KSR2: variants seen among roughly 807,000 people sequenced by gnomAD.
The protein encoded by KSR2 is kinase suppressor of ras 2.
Under a neutral mutation model 107.8 loss-of-function variants are expected in KSR2, and 25 were observed. The observed-to-expected ratio is 0.23, with a 90% CI of 0.17 to 0.32. KSR2 has a LOEUF of 0.32. Among genes scored for constraint, KSR2 ranks in the 10% least tolerant of loss-of-function variants. The probability of loss-of-function intolerance (pLI) is 1.00; values close to 1 mark genes in which losing one functional copy is unlikely to be tolerated. For missense variants in KSR2, 887 were observed against 1,268.9 expected (o/e 0.70, Z 4.57); for synonymous variants, 480 against 507.0 (o/e 0.95, Z 0.71).
At chr12:117,472,020 T>C (rs1045524178) in intron 17 of KSR2, among the ~76,000 whole-genome samples, 2 of 151,572 alleles carry the variant, frequency 1.3e-5, no homozygotes, top group African/African-American at 2.4e-5. Context: ...TGCGGAACGG[T>C]GGAAAGAAAA....
rs1388208868 is a variant in KSR2 at position 117,562,962 on chromosome 12, C to T, written c.1326-4389G>A. ...CACATCCCGGATCTGCTAATAGAGTCGGCAGGATTAGACAAACCCTGAAAT... is the reference window on the plus strand; with the variant it reads ...CACATCCCGGATCTGCTAATAGAGTTGGCAGGATTAGACAAACCCTGAAAT... On this transcript the variant is annotated intron_variant, in intron 7 of 19. Transcript: ENST00000339824. Among the ~76,000 whole-genome samples, 3 of 152,164 alleles carry T rather than the reference C, an allele frequency of 2.0e-5. No homozygotes were observed. The East Asian group carries it at 5.8e-4, about 29-fold the overall frequency.
In KSR2 at chr12:117,471,179, C is replaced by T. The variant is rs770903451; in HGVS notation, c.2712+12G>A. Reference sequence around the variant, plus strand: ...CCTCATCCCCCAAGTCTGGACCTATCTTGGGACTTACCGAGATTTCTTTTC... The same window carrying T: ...CCTCATCCCCCAAGTCTGGACCTATTTTGGGACTTACCGAGATTTCTTTTC... On this transcript the variant is annotated intron_variant, in intron 18 of 19. Coordinates refer to ENST00000339824, the MANE Select transcript of KSR2 (RefSeq NM_173598.6). The T allele has an allele frequency of 6.2e-7, 1 of 1,613,594 alleles. No homozygotes were observed. The highest frequency in any genetic ancestry group is 1.1e-5 in the South Asian group (1 of 91,000).
chr12:117,476,011 G>A (rs1013630652), intron 17 of KSR2, among the ~76,000 whole-genome samples: 2 of 152,164 alleles, frequency 1.3e-5, no homozygotes, highest in Non-Finnish European at 2.9e-5. Context: ...CCAATATCTT[G>A]ACTGCAACCT....
intron 4 of KSR2, among the ~76,000 whole-genome samples, chr12:117,731,164 C>T (rs1376210632): frequency 6.6e-5 from 10 of 151,254 alleles, no homozygotes; most frequent in Non-Finnish European, 1.5e-4. Flanking sequence ...GCCACGACCC[C>T]GTCTGGGAAC....
intron 6 of KSR2, 119 bp from the exon 7 acceptor site, chr12:117,579,321 C>T: frequency 8.1e-6 from 6 of 743,308 alleles, no homozygotes; most frequent in East Asian, 2.7e-5. Context: ...CTGTTTCTTT[C>T]GAGCTGTGTG....
chr12:117,509,431 A>C (rs916636770), intron 14 of KSR2, among the ~76,000 whole-genome samples: 10 of 152,210 alleles, frequency 6.6e-5, no homozygotes, highest in Non-Finnish European at 1.5e-4. Context: ...CGAAAGAAAG[A>C]GAGCAGGGAG....
intron 4 of KSR2, among the ~76,000 whole-genome samples, chr12:117,727,186 G>A (rs959845141): frequency 6.6e-6 from 1 of 151,500 alleles, no homozygotes; most frequent in African/African-American, 2.4e-5. Context: ...GACCAGCCTG[G>A]GCAAGATGGT....
At chr12:117,603,294 C>A (rs1881056515) in intron 5 of KSR2, among the ~76,000 whole-genome samples, 1 of 152,214 alleles carries the variant, frequency 6.6e-6, no homozygotes, top group South Asian at 2.1e-4. Flanking sequence ...TCTCCAACCT[C>A]CTTAGCTTAA....
intron 3 of KSR2, among the ~76,000 whole-genome samples, chr12:117,795,926 G>C (rs1376414175): frequency 1.3e-5 from 2 of 152,074 alleles, no homozygotes; most frequent in Non-Finnish European, 2.9e-5. Context: ...CTGTGTTGTT[G>C]TTATTGTTGT....
chr12:117,711,912 G>T (rs918843085), intron 4 of KSR2, among the ~76,000 whole-genome samples: 1 of 152,188 alleles, frequency 6.6e-6, no homozygotes, highest in Admixed American at 6.5e-5. Flanking sequence ...GGGAGACACC[G>T]CTGAGCCATG....
At chr12:117,764,122 T>C (rs1477842529) in intron 3 of KSR2, among the ~76,000 whole-genome samples, 1 of 152,208 alleles carries the variant, frequency 6.6e-6, no homozygotes, top group Non-Finnish European at 1.5e-5. Flanking sequence ...TTTGTTATTA[T>C]ATATTCAGTA....
chr12:117,747,548 T>C (rs1009559516), intron 4 of KSR2, among the ~76,000 whole-genome samples: 6 of 152,080 alleles, frequency 3.9e-5, no homozygotes, highest in African/African-American at 1.4e-4. Context: ...CATGTATACC[T>C]GTGTGACAAA....
At position 117,846,678 on chromosome 12, in the gene KSR2, T is replaced by C. The variant is rs79008988; in HGVS notation, c.472+8750A>G. On this transcript the variant is annotated intron_variant, in intron 3 of 19. Transcript: ENST00000339824. The stretch of plus-strand genomic sequence containing the variant: ...TGTCCACTAGAATATTCTGTGATGA[T>C]GGGGATGTTCTAGAACTGTGCTATT... Among the ~76,000 whole-genome samples the C allele has an allele frequency of 6.0e-4, 92 of 152,354 alleles. No homozygotes were observed. The East Asian group carries it at 0.017, about 28-fold the overall frequency.
chr12:117,499,666 G>T lies in KSR2; in HGVS notation c.2220-13975C>A, dbSNP rs557555631. On this transcript the variant is annotated intron_variant, in intron 14 of 19. Transcript: ENST00000339824. ...GCCCACTCTGGTCCTCTTTGGAAGT[G>T]GGCACACAACAAATGCTTGGTGATT... is the stretch of plus-strand genomic sequence containing the variant. 3.3e-5 allele frequency among the ~76,000 whole-genome samples: 5 copies of T among 152,294 alleles called. No homozygotes were observed. The East Asian group carries it at 7.7e-4, about 23-fold the overall frequency.
intron 3 of KSR2, among the ~76,000 whole-genome samples, chr12:117,814,168 A>G (rs1891292771): frequency 6.6e-6 from 1 of 152,192 alleles, no homozygotes; most frequent in Non-Finnish European, 1.5e-5. Context: ...TTATAGCCAG[A>G]TGGGAGGAAT....
At chr12:117,566,778 C>A (rs1362624412) in intron 7 of KSR2, among the ~76,000 whole-genome samples, 1 of 152,176 alleles carries the variant, frequency 6.6e-6, no homozygotes, top group African/African-American at 2.4e-5. Context: ...GACAAGAATT[C>A]TTTCTTTAAA....
At chr12:117,784,545 C>G (rs1477000451) in intron 3 of KSR2, among the ~76,000 whole-genome samples, 1 of 152,148 alleles carries the variant, frequency 6.6e-6, no homozygotes, top group Non-Finnish European at 1.5e-5. Flanking sequence ...GGGAGTTGTT[C>G]AGCACTTGCT....
intron 14 of KSR2, among the ~76,000 whole-genome samples, chr12:117,513,139 T>C (rs1420163985): frequency 6.6e-6 from 1 of 152,154 alleles, no homozygotes; most frequent in Non-Finnish European, 1.5e-5. Context: ...AAACAAATTC[T>C]TATGTCACAA....
At chr12:117,838,570 C>T (rs1332518152) in intron 3 of KSR2, among the ~76,000 whole-genome samples, 1 of 152,186 alleles carries the variant, frequency 6.6e-6, no homozygotes, top group Non-Finnish European at 1.5e-5. Flanking sequence ...CCTCTCTGGG[C>T]GTGTGCCTCC....
Sources: gnomAD v4.1 joint callset for allele counts (sites outside exome capture counted in the v4.1 genomes callset) on GRCh38, gnomAD v4.1.1 for gene constraint, MANE v1.5 for transcripts, NCBI Gene and HGNC (gene_info 2026-07-23, HGNC 2026-07-21) for gene names.